DNAAF10: variants seen among roughly 807,000 people sequenced by gnomAD.
DNAAF10 encodes WD repeat domain 92.
DNAAF10 carries 28 observed loss-of-function variants against 43.7 expected under a neutral mutation model. The observed-to-expected ratio is 0.64, with a 90% CI of 0.48 to 0.88. The LOEUF (loss-of-function observed/expected upper bound fraction) is 0.88, where lower values mean the gene tolerates loss of function less well. Ranked by LOEUF, DNAAF10 falls within the 40% of genes least tolerant of loss-of-function variation. The pLI is 0.00. For synonymous variants in DNAAF10, 156 were observed against 157.3 expected, an observed-to-expected ratio of 0.99 and a Z score of 0.06; for missense variants, 403 against 439.1, an observed-to-expected ratio of 0.92 and a Z score of 0.73.
At chr2:68,154,491 C>G (rs1459057184) in intron 1 of DNAAF10, among the ~76,000 whole-genome samples, 1 of 152,148 alleles carries the variant, frequency 6.6e-6, no homozygotes, top group Admixed American at 6.5e-5. Context: ...CATGATCCAC[C>G]CGCCTCGGCC....
At chr2:68,133,793 T>G (rs1422990157) in intron 7 of DNAAF10, among the ~76,000 whole-genome samples, 1 of 152,126 alleles carries the variant, frequency 6.6e-6, no homozygotes, top group East Asian at 1.9e-4. Flanking sequence ...TTGTCAGCGG[T>G]ATCCCTGCAC....
At chr2:68,152,420 T>G (rs1428186593) in intron 1 of DNAAF10, among the ~76,000 whole-genome samples, 1 of 152,200 alleles carries the variant, frequency 6.6e-6, no homozygotes, top group Non-Finnish European at 1.5e-5. Context: ...CAAACTGACT[T>G]ACAAAAGTGG....
Position 68,157,403 on chromosome 2 carries a change from T to C in DNAAF10, c.41A>G (p.Gln14Arg). Residue 14 changes from glutamine (Q) to arginine (R), a missense_variant, in exon 1 of 8, where the codon CAG (glutamine) becomes CGG (arginine). Physicochemically the swap from Gln to Arg is conservative, Grantham distance 43. Coordinates refer to ENST00000295121, the MANE Select transcript of DNAAF10 (RefSeq NM_138458.4). ...FEKPQIIAHI[Q>R]KGFNYTVFDC... Reference sequence around the variant, plus strand: ...AAACACCGTGTAGTTGAAGCCCTTCTGGATATGGGCGATGATCTGAGGCTT... The same window carrying C: ...AAACACCGTGTAGTTGAAGCCCTTCCGGATATGGGCGATGATCTGAGGCTT... 6.2e-7 allele frequency: 1 copy of C among 1,614,086 alleles called. No homozygotes were observed. Among genetic ancestry groups the C allele is most frequent in the East Asian group, 2.2e-5 (1 of 44,872 alleles).
rs1158319344 is a variant in DNAAF10, at chr2:68,131,216, C to T, written c.*22G>A. 1.2e-6 allele frequency: 2 copies of T among 1,613,224 alleles called. No homozygotes were observed. The highest frequency in any genetic ancestry group is 2.2e-5 in the East Asian group (1 of 44,842). ...TACAGGAGTGAGCCACCGTGCCCAGCCTCAAGTCCAAAGTCTTGAAGTCAA... is the reference window on the plus strand; with the variant it reads ...TACAGGAGTGAGCCACCGTGCCCAGTCTCAAGTCCAAAGTCTTGAAGTCAA... On this transcript the variant is annotated 3_prime_UTR_variant, in exon 8 of 8. Coordinates refer to ENST00000295121, the MANE Select transcript of DNAAF10 (RefSeq NM_138458.4).
chr2:68,156,579 G>A (rs1280417264), intron 1 of DNAAF10, among the ~76,000 whole-genome samples: 2 of 151,972 alleles, frequency 1.3e-5, no homozygotes, highest in Non-Finnish European at 2.9e-5. Flanking sequence ...TTTTTTCTTA[G>A]AAAAAAGGCA....
chr2:68,156,254 AT>A (rs1673607706), intron 1 of DNAAF10, among the ~76,000 whole-genome samples: 1 of 152,092 alleles, frequency 6.6e-6, no homozygotes, highest in South Asian at 2.1e-4. Flanking sequence ...CATACTTTCT[AT>A]TCTAGGCTTA....
At chr2:68,139,639 A>G (rs1007526473) in intron 4 of DNAAF10, among the ~76,000 whole-genome samples, 27 of 150,492 alleles carry the variant, frequency 1.8e-4, no homozygotes, top group African/African-American at 5.8e-4. Context: ...AAAAAAAAAG[A>G]AAAAAATACA....
At chr2:68,144,517 G>C in intron 3 of DNAAF10, 68 bp downstream of exon 3, 1 of 1,576,224 alleles carries the variant, frequency 6.3e-7, no homozygotes, top group South Asian at 1.2e-5. Flanking sequence ...TACTCAGAGA[G>C]GATGTACTGC....
intron 1 of DNAAF10, among the ~76,000 whole-genome samples, chr2:68,155,296 T>C (rs955506341): frequency 2.6e-5 from 4 of 151,954 alleles, no homozygotes; most frequent in Admixed American, 6.6e-5. Flanking sequence ...GTTTGAGACC[T>C]GCCTGACCAA....
chr2:68,131,356 A>G lies in DNAAF10; in HGVS notation c.956T>C (p.Leu319Ser), dbSNP rs769934704. 3 of 1,614,178 alleles carry G rather than the reference A, an allele frequency of 1.9e-6. No homozygotes were observed. In the South Asian group the frequency reaches 3.3e-5, roughly 18 times the overall value. The change falls in exon 8 of 8, where the codon TTG becomes TCG. Residue 319 changes from leucine to serine, a missense_variant. Physicochemically the swap from Leu to Ser is moderately radical, Grantham distance 145 (BLOSUM62 -2). Transcript: ENST00000295121. ...GSVSLLQNVT[L>S]STQPISSLDW... ...CAAACTTGAAATGGGCTGGGTGGAC[A>G]ACGTAACATTCTGCAGAAGGCTTAC... is the stretch of plus-strand genomic sequence containing the variant.
At chr2:68,138,653 A>T in intron 5 of DNAAF10, 89 bp downstream of exon 5, 1 of 916,974 alleles carries the variant, frequency 1.1e-6, no homozygotes, top group Non-Finnish European at 1.7e-6. Context: ...GACTCAGATG[A>T]GTTACTAGAG....
At chr2:68,137,463 G>C (rs1174531499) in intron 5 of DNAAF10, 30 bp from the exon 6 acceptor site, 1 of 1,593,460 alleles carries the variant, frequency 6.3e-7, no homozygotes, top group Non-Finnish European at 8.5e-7. Flanking sequence ...ATTATTGGTA[G>C]TCTCACCAGT....
intron 7 of DNAAF10, among the ~76,000 whole-genome samples, chr2:68,132,622 TG>T (rs1477877702): frequency 6.6e-6 from 1 of 152,236 alleles, no homozygotes; most frequent in African/African-American, 2.4e-5. Flanking sequence ...AATAACTAGA[TG>T]ATTTCTTGTA....
chr2:68,138,243 A>G (rs944335512), intron 5 of DNAAF10, among the ~76,000 whole-genome samples: 8 of 152,130 alleles, frequency 5.3e-5, no homozygotes, highest in African/African-American at 1.9e-4. Context: ...CAACAAAACA[A>G]TCTTGGGTTC....
chr2:68,147,509 C>T lies in DNAAF10; in HGVS notation c.242G>A (p.Arg81Lys). 1.9e-6 allele frequency: 3 copies of T among 1,611,944 alleles called. No individual in the cohort carries two copies. Among genetic ancestry groups the T allele is most frequent in the Non-Finnish European group, 2.5e-6 (3 of 1,179,048 alleles). ...ACCAAAATCTCCAGTAGCTAAATAT[C>T]TCTGCTGTAAAGATGTTGCACCAAA... ...GTFGATSLQQ[R>K]YLATGDFGGN... The change falls in exon 2 of 8, where the codon AGA becomes AAA. Residue 81 changes from arginine (R) to lysine (K), a missense_variant. Transcript: ENST00000295121.
intron 1 of DNAAF10, among the ~76,000 whole-genome samples, chr2:68,153,953 C>T (rs1046640845): frequency 1.3e-5 from 2 of 151,862 alleles, no homozygotes; most frequent in Non-Finnish European, 2.9e-5. Flanking sequence ...TGGGGTTTCA[C>T]CATGTTGGCC....
chr2:68,154,811 C>T (rs535996626), intron 1 of DNAAF10, among the ~76,000 whole-genome samples: 6 of 152,126 alleles, frequency 3.9e-5, no homozygotes, highest in African/African-American at 1.2e-4. Context: ...TCTCTGTCAC[C>T]CAGGATGGAG....
At position 68,134,779 on chromosome 2, in the gene DNAAF10, C is replaced by A. The variant is rs1672999929; in HGVS notation, c.789G>T (p.Trp263Cys). ...VSEKAHKSTV[W>C]QVRHLPQNRE... is the part of the protein sequence containing the mutation. ...TGTTCTGCGGCAGGTGTCGGACCTG[C>A]CACACAGTAGATTTATGAGCCTAAA... is the stretch of plus-strand genomic sequence containing the variant. Residue 263 changes from tryptophan to cysteine, a missense_variant, in exon 7 of 8, where the codon TGG (tryptophan) becomes TGT (cysteine). Physicochemically the swap from Trp to Cys is radical, Grantham distance 215 (BLOSUM62 -2). Coordinates refer to ENST00000295121, the MANE Select transcript of DNAAF10 (RefSeq NM_138458.4). 1 of 1,612,958 alleles carries A rather than the reference C, an allele frequency of 6.2e-7. No homozygotes were observed. Among genetic ancestry groups the A allele is most frequent in the South Asian group, 1.1e-5 (1 of 90,830 alleles).
At chr2:68,150,449 T>TG (rs1322897366) in intron 1 of DNAAF10, among the ~76,000 whole-genome samples, 2 of 152,328 alleles carry the variant, frequency 1.3e-5, no homozygotes, top group South Asian at 2.1e-4. Flanking sequence ...TAAAAAAACT[T>TG]GGACTGTGTG....
Sources: gnomAD v4.1 joint callset for allele counts (sites outside exome capture counted in the v4.1 genomes callset) on GRCh38, gnomAD v4.1.1 for gene constraint, MANE v1.5 for transcripts, NCBI Gene and HGNC (gene_info 2026-07-23, HGNC 2026-07-21) for gene names.